The following AHSG variants were observed in gnomAD, a reference collection of about 807,000 sequenced individuals.
The protein encoded by AHSG is alpha-2-HS-glycoprotein.
Under a neutral mutation model 30.1 loss-of-function variants are expected in AHSG, and 23 were observed. The observed-to-expected ratio is 0.76, with a 90% CI of 0.55 to 1.08. AHSG has a LOEUF of 1.08. Among genes scored for constraint, AHSG ranks in the 50% least tolerant of loss-of-function variants. AHSG has a pLI of 0.00. For missense variants in AHSG, 469 were observed against 459.5 expected (o/e 1.02, Z -0.19); for synonymous variants, 164 against 186.3 (o/e 0.88, Z 0.98).
intron 5 of AHSG, among the ~76,000 whole-genome samples, chr3:186,618,912 T>C (rs1226314381): frequency 1.3e-5 from 2 of 152,208 alleles, no homozygotes; most frequent in African/African-American, 2.4e-5. Flanking sequence ...ACTGGGAATG[T>C]GAAGTGCACA....
chr3:186,618,258 T>A (rs1046651284), intron 4 of AHSG, among the ~76,000 whole-genome samples: 1 of 152,052 alleles, frequency 6.6e-6, no homozygotes, highest in Non-Finnish European at 1.5e-5. Context: ...CTGATTCCGG[T>A]TTCCTATCTG....
In AHSG at chr3:186,618,545, CCTT is replaced by C; in HGVS notation, c.586_588del (p.Ser196del). 6.2e-7 allele frequency: 1 copy of C among 1,613,758 alleles called. No homozygotes were observed. The highest frequency in any genetic ancestry group is 1.3e-5 in the African/African-American group (1 of 75,056). ...CATGTACTCTTCTCAGCCCCTCCCA[CCTT>C]CTACCTATGTGGAGTTTACAGTGTC... On this transcript the variant is annotated inframe_deletion, in exon 5 of 7. Transcript: ENST00000411641.
At position 186,621,116 on chromosome 3, in the gene AHSG, G is replaced by A; in HGVS notation, c.*186G>A. The A allele has an allele frequency of 3.3e-6, 2 of 611,988 alleles. No homozygotes were observed. The highest frequency in any genetic ancestry group is 2.2e-5 in the South Asian group (1 of 46,308). 37.9% of individuals were successfully genotyped at this position (611,988 alleles called of 1,614,324 possible). A position where few individuals can be genotyped will look rare whatever the true frequency, so the allele number is the denominator to read the frequency against. ...ACAGGACAGAAGCAGAGTGGGTGGT[G>A]GTTATGTTTGACAGAAGGCATTAGG... On this transcript the variant is annotated 3_prime_UTR_variant, in exon 7 of 7. Coordinates refer to ENST00000411641, the MANE Select transcript of AHSG (RefSeq NM_001622.4).
chr3:186,617,205 G>C lies in AHSG; in HGVS notation c.428G>C (p.Arg143Pro). 1 of 1,612,634 alleles carries C rather than the reference G, an allele frequency of 6.2e-7. No homozygotes were observed. Among genetic ancestry groups the C allele is most frequent in the Non-Finnish European group, 8.5e-7 (1 of 1,179,492 alleles). Residue 143 changes from arginine to proline, a missense_variant, in exon 4 of 7, where the codon CGC (arginine) becomes CCC (proline). By Grantham distance (103) the Arg-to-Pro change is moderately radical (BLOSUM62 -2). Coordinates refer to ENST00000411641, the MANE Select transcript of AHSG (RefSeq NM_001622.4). ...DSSPDSAEDV[R>P]KVCQDCPLLA... ...CGAGCAGACTCAGCCGAGGACGTGC[G>C]CAAGGTGTGCCAAGACTGCCCCCTG...
chr3:186,616,580 G>C (rs948543782), intron 3 of AHSG, 53 bp downstream of exon 3: 1 of 1,436,630 alleles, frequency 7.0e-7, no homozygotes, highest in East Asian at 2.5e-5. Context: ...AAGTGGGGAA[G>C]GGATCTGAAT....
rs913524407 is a variant in AHSG at position 186,620,755 on chromosome 3, A to C, written c.929A>C (p.His310Pro). 1.9e-6 allele frequency: 3 copies of C among 1,613,934 alleles called. No individual in the cohort carries two copies. The African/African-American group carries it at 4.0e-5, about 22-fold the overall frequency. ...LLAAPPGHQL[H>P]RAHYDLRHTF... ...GCAGCTCCTCCAGGACACCAGTTGCACCGGGCGCACTACGACCTGCGCCAC... is the reference window on the plus strand; with the variant it reads ...GCAGCTCCTCCAGGACACCAGTTGCCCCGGGCGCACTACGACCTGCGCCAC... The change falls in exon 7 of 7, where the codon CAC becomes CCC. Residue 310 changes from histidine (H) to proline (P), a missense_variant. His to Pro is a moderately conservative substitution (Grantham distance 77). Coordinates refer to ENST00000411641, the MANE Select transcript of AHSG (RefSeq NM_001622.4).
At chr3:186,620,208 G>C (rs1560011129) in intron 6 of AHSG, among the ~76,000 whole-genome samples, 1 of 152,198 alleles carries the variant, frequency 6.6e-6, no homozygotes, top group Non-Finnish European at 1.5e-5. Context: ...AGGTGGGAGT[G>C]GTTTTCTGAG....
intron 5 of AHSG, 126 bp downstream of exon 5, chr3:186,618,763 T>G: frequency 6.9e-7 from 1 of 1,450,128 alleles, no homozygotes; most frequent in East Asian, 2.6e-5. Flanking sequence ...CCTCTCCCTG[T>G]GGATCACGGC....
chr3:186,614,612 C>T (rs2108499623), intron 1 of AHSG, among the ~76,000 whole-genome samples: 1 of 152,286 alleles, frequency 6.6e-6, no homozygotes, highest in East Asian at 1.9e-4. Flanking sequence ...ACGCAACACG[C>T]ACATCTGAGG....
At chr3:186,617,678 A>T in intron 4 of AHSG, 1 of 407,014 alleles carries the variant, frequency 2.5e-6, no homozygotes, top group Non-Finnish European at 4.6e-6. Context: ...CACGTCGGCC[A>T]GAAGCACTCA....
chr3:186,615,797 T>C lies in AHSG; in HGVS notation c.324+2T>C. Reference sequence around the variant, plus strand: ...AGCGTGAGGCAGCTGAAGGAGCATGTGAGTACCCTTCTTAGGATGACTGTA... The same window carrying C: ...AGCGTGAGGCAGCTGAAGGAGCATGCGAGTACCCTTCTTAGGATGACTGTA... On this transcript the variant is annotated splice_donor_variant, in intron 2 of 6. Transcript: ENST00000411641. LOFTEE classifies it high-confidence loss of function. 1 of 1,612,850 alleles carries C rather than the reference T, an allele frequency of 6.2e-7. No homozygotes were observed. Among genetic ancestry groups the C allele is most frequent in the Non-Finnish European group, 8.5e-7 (1 of 1,178,780 alleles).
Position 186,613,085 on chromosome 3 carries a change from G to A in AHSG, c.-57G>A. ...CTACCTTTCCCAGCAGAGCACCTGG[G>A]TTGGTCCCGAAGCCTCCAACCACCT... On this transcript the variant is annotated 5_prime_UTR_variant, in exon 1 of 7. Coordinates refer to ENST00000411641, the MANE Select transcript of AHSG (RefSeq NM_001622.4). The A allele has an allele frequency of 2.0e-6, 3 of 1,525,682 alleles. No individual in the cohort carries two copies. The highest frequency in any genetic ancestry group is 2.7e-6 in the Non-Finnish European group (3 of 1,105,722). 94.5% of individuals were successfully genotyped at this position (1,525,682 alleles called of 1,614,324 possible).
chr3:186,615,833 C>T (rs763688169), intron 2 of AHSG, 38 bp downstream of exon 2: 41 of 1,549,448 alleles, frequency 2.6e-5, no homozygotes, highest in Admixed American at 5.0e-5. Flanking sequence ...GGTGGCCCTT[C>T]GGCCAGCTCC....
In AHSG at chr3:186,615,861, C is replaced by T. The variant is rs1716288486; in HGVS notation, c.324+66C>T. 4 of 1,416,338 alleles carry T rather than the reference C, an allele frequency of 2.8e-6. No individual in the cohort carries two copies. In the South Asian group the frequency reaches 4.6e-5, roughly 16 times the overall value. The allele number at this position is 1,416,338 out of a possible 1,614,324, so 87.7% of individuals were successfully genotyped here. A position where few individuals can be genotyped will look rare whatever the true frequency, so the allele number is the denominator to read the frequency against. On this transcript the variant is annotated intron_variant, in intron 2 of 6. Transcript: ENST00000411641. ...CCAGCTCCACCGATTCACCCAGCGT[C>T]TCAGCCTGCCTTCTTGGCTAGCCAG...
rs544314334 is a variant in AHSG, at chr3:186,621,166, G to A, written c.*236G>A. On this transcript the variant is annotated 3_prime_UTR_variant, in exon 7 of 7. Coordinates refer to ENST00000411641, the MANE Select transcript of AHSG (RefSeq NM_001622.4). ...GTTGACAACTTGTCATGATTTTGAC[G>A]GTAAGCCACCATGATTGTGTTCTCT... 43 of 517,452 alleles carry A rather than the reference G, an allele frequency of 8.3e-5. No homozygotes were observed. Among genetic ancestry groups the A allele is most frequent in the Admixed American group, 3.9e-4 (12 of 30,920 alleles). The allele number at this position is 517,452 out of a possible 1,614,324, so 32.1% of individuals were successfully genotyped here.
intron 1 of AHSG, among the ~76,000 whole-genome samples, chr3:186,614,406 C>A (rs1716234346): frequency 1.3e-5 from 2 of 152,172 alleles, no homozygotes; most frequent in Non-Finnish European, 2.9e-5. Flanking sequence ...TATGTGCCCA[C>A]AAGAGCTTAC....
At chr3:186,617,394 A>G (rs1376544862) in intron 4 of AHSG, 44 bp downstream of exon 4, 2 of 1,613,964 alleles carry the variant, frequency 1.2e-6, no homozygotes, top group Non-Finnish European at 1.7e-6. Flanking sequence ...GTTCGGTGGC[A>G]CTTCGGGAAT....
chr3:186,620,422 T>C (rs1716445008), intron 6 of AHSG, among the ~76,000 whole-genome samples, 164 bp from the exon 7 acceptor site: 1 of 152,208 alleles, frequency 6.6e-6, no homozygotes, highest in Admixed American at 6.5e-5. Flanking sequence ...CCTTGTAACC[T>C]TGATGACAAT....
intron 6 of AHSG, 133 bp downstream of exon 6, chr3:186,620,073 G>C: frequency 8.3e-6 from 5 of 602,134 alleles, no homozygotes; most frequent in Non-Finnish European, 1.4e-5. Flanking sequence ...AATAACACTG[G>C]GGTATGCGGA....
Sources: allele counts gnomAD v4.1 joint callset (sites outside exome capture counted in the v4.1 genomes callset), GRCh38; gene constraint gnomAD v4.1.1; transcripts MANE v1.5; gene names NCBI Gene and HGNC (gene_info 2026-07-23, HGNC 2026-07-21).